Variants in PHLDB2 observed in about 807,000 individuals in gnomAD.
PHLDB2 encodes the protein pleckstrin homology like domain family B member 2.
A neutral mutation model predicts 123.6 loss-of-function variants in PHLDB2; 71 were observed. That is an observed-to-expected ratio of 0.57 (90% CI 0.47 to 0.70). The LOEUF is 0.70. PHLDB2 is among the 30% of genes least tolerant of loss of function. The pLI is 0.00. For missense variants in PHLDB2, 1,446 were observed against 1,519.5 expected (o/e 0.95, Z 0.80); for synonymous variants, 547 against 541.6 (o/e 1.01, Z -0.14).
At chr3:111,891,493 G>C (rs1226104028) in intron 2 of PHLDB2, among the ~76,000 whole-genome samples, 1 of 151,604 alleles carries the variant, frequency 6.6e-6, no homozygotes, top group Non-Finnish European at 1.5e-5. Flanking sequence ...TCCCAGATGG[G>C]GCCATCTAGT....
intron 12 of PHLDB2, chr3:111,957,597 T>C (rs930710296): frequency 3.3e-5 from 5 of 152,244 alleles, no homozygotes; most frequent in African/African-American, 7.2e-5. Context: ...ATGAGCTAAG[T>C]GTAAACCATG....
At chr3:111,735,394 T>G (rs1941653696) in intron 1 of PHLDB2, among the ~76,000 whole-genome samples, 1 of 152,188 alleles carries the variant, frequency 6.6e-6, no homozygotes, top group African/African-American at 2.4e-5. Flanking sequence ...TAGTTTCACT[T>G]TTGTTCAGAT....
chr3:111,768,709 A>C (rs1180089001), intron 1 of PHLDB2, among the ~76,000 whole-genome samples: 1 of 152,166 alleles, frequency 6.6e-6, no homozygotes, highest in African/African-American at 2.4e-5. Flanking sequence ...GGTCCATACG[A>C]CTGCCTGGGA....
chr3:111,757,738 C>A (rs12108148), intron 1 of PHLDB2, among the ~76,000 whole-genome samples: 7,645 of 152,200 alleles, frequency 0.05, 644 homozygotes, highest in African/African-American at 0.17. Flanking sequence ...TGGTGATGTA[C>A]AGATGGGTTT....
chr3:111,795,310 C>G (rs973891881), intron 1 of PHLDB2, among the ~76,000 whole-genome samples: 4 of 152,012 alleles, frequency 2.6e-5, no homozygotes, highest in African/African-American at 7.3e-5. Context: ...GTGGAGATGG[C>G]CAAGGAGAGG....
Position 111,911,625 on chromosome 3 carries a change from G to A in PHLDB2, c.1336-1694G>A, listed in dbSNP as rs1334672030. 7.2e-6 allele frequency: 11 copies of A among 1,535,928 alleles called. No individual in the cohort carries two copies. The Admixed American group carries it at 2.2e-4, about 30-fold the overall frequency. ...TCCTGGATGGATAGGGTGCAGAAGA[G>A]CCCAAGATGAGAGTGTGTAGCTATG... On this transcript the variant is annotated intron_variant, in intron 2 of 17. Transcript: ENST00000431670.
intron 8 of PHLDB2, among the ~76,000 whole-genome samples, chr3:111,942,608 GT>G (rs1390250379): frequency 6.6e-6 from 1 of 151,970 alleles, no homozygotes; most frequent in African/African-American, 2.4e-5. Context: ...TTACGTTTTT[GT>G]TTTTTGTTGG....
intron 1 of PHLDB2, among the ~76,000 whole-genome samples, chr3:111,749,491 A>C (rs1419436057): frequency 6.6e-6 from 1 of 152,222 alleles, no homozygotes; most frequent in African/African-American, 2.4e-5. Flanking sequence ...CCCTGTTACA[A>C]TAATATTTCT....
rs183819042 is a variant in PHLDB2, at chr3:111,814,795, G to A, written c.-48-31026G>A. On this transcript the variant is annotated intron_variant, in intron 1 of 17. Transcript: ENST00000393923. ...GAGAGGGAAACCCGAGGAACATCCT[G>A]GCTTTATAACAACCCACTCTCTCAG... 1.6e-3 allele frequency among the ~76,000 whole-genome samples: 239 copies of A among 152,150 alleles called. 1 individual carries two copies. The highest frequency in any genetic ancestry group is 2.8e-3 in the Non-Finnish European group (193 of 68,002).
At chr3:111,936,019 C>G (rs1351574490) in intron 6 of PHLDB2, among the ~76,000 whole-genome samples, 1 of 152,178 alleles carries the variant, frequency 6.6e-6, no homozygotes. Flanking sequence ...TAAAAGTTAA[C>G]AAAACCCTGA....
chr3:111,859,143 G>T, upstream of PHLDB2: 1 of 981,034 alleles, frequency 1.0e-6, no homozygotes, highest in Non-Finnish European at 1.2e-6. Flanking sequence ...TCGGAAGGAG[G>T]TGCGGTCACC....
chr3:111,968,382 C>A (rs13083736), intron 15 of PHLDB2, among the ~76,000 whole-genome samples: 30,148 of 152,138 alleles, frequency 0.2, 3,522 homozygotes, highest in East Asian at 0.47. Flanking sequence ...AACACCTGTG[C>A]ACAAGCTTGT....
chr3:111,743,723 C>T (rs7629156), intron 1 of PHLDB2, among the ~76,000 whole-genome samples: 47,002 of 152,056 alleles, frequency 0.31, 8,237 homozygotes, highest in African/African-American at 0.46. Flanking sequence ...CTCAACCTAG[C>T]CTGGCTGGAA....
intron 1 of PHLDB2, among the ~76,000 whole-genome samples, chr3:111,755,818 T>G (rs892072664): frequency 9.3e-5 from 14 of 149,746 alleles, no homozygotes; most frequent in South Asian, 2.1e-4. Flanking sequence ...TACACACTGC[T>G]TTGAATGTGT....
chr3:111,788,385 G>T (rs2108167632), intron 1 of PHLDB2, among the ~76,000 whole-genome samples: 1 of 152,302 alleles, frequency 6.6e-6, no homozygotes, highest in Admixed American at 6.5e-5. Context: ...TTGTGTGTCA[G>T]TCTGCTATTT....
At chr3:111,802,402 A>C (rs915665416) in intron 1 of PHLDB2, among the ~76,000 whole-genome samples, 1 of 152,256 alleles carries the variant, frequency 6.6e-6, no homozygotes, top group Non-Finnish European at 1.5e-5. Flanking sequence ...GACACCACCC[A>C]CTAGCCTTGT....
intron 1 of PHLDB2, among the ~76,000 whole-genome samples, chr3:111,844,263 A>C (rs1335043338): frequency 2.0e-5 from 3 of 152,136 alleles, no homozygotes; most frequent in Non-Finnish European, 2.9e-5. Flanking sequence ...ACTTGTCTTG[A>C]TCTGCATCCT....
At chr3:111,822,295 A>ATGTATG (rs1553734230) in intron 1 of PHLDB2, among the ~76,000 whole-genome samples, 8 of 144,032 alleles carry the variant, frequency 5.6e-5, no homozygotes, top group Admixed American at 4.9e-4. Context: ...ATCTTTATGT[A>ATGTATG]TGTGTGTGTG....
intron 4 of PHLDB2, 145 bp from the exon 5 acceptor site, chr3:111,920,137 T>A (rs1233204334): frequency 1.3e-6 from 1 of 762,094 alleles, no homozygotes; most frequent in Non-Finnish European, 2.0e-6. Flanking sequence ...TCACATGGGC[T>A]CTCTGGAGTG....
Sources: gnomAD v4.1 joint callset for allele counts (sites outside exome capture counted in the v4.1 genomes callset) on GRCh38, gnomAD v4.1.1 for gene constraint, MANE v1.5 for transcripts, NCBI Gene and HGNC (gene_info 2026-07-23, HGNC 2026-07-21) for gene names.